FBN2: variants seen among roughly 807,000 people sequenced by gnomAD.
FBN2 encodes the protein fibrillin-2.
Under a neutral mutation model 355.6 loss-of-function variants are expected in FBN2, and 105 were observed. The ratio of observed to expected loss-of-function variants is 0.30; its 90% confidence interval spans 0.25 to 0.35. The LOEUF is 0.35. Ranked by LOEUF, FBN2 falls within the 10% of genes least tolerant of loss-of-function variation. FBN2 has a pLI of 1.00. For synonymous variants in FBN2, 1,350 were observed against 1,301.2 expected, an observed-to-expected ratio of 1.04 and a Z score of -0.81; for missense variants, 3,280 against 3,758.7, an observed-to-expected ratio of 0.87 and a Z score of 3.33.
At chr5:128,527,813 TA>T in intron 4 of FBN2, 58 bp downstream of exon 4, 1 of 1,224,522 alleles carries the variant, frequency 8.2e-7, no homozygotes, top group South Asian at 1.2e-5. Flanking sequence ...CCTTAAATTA[TA>T]ACTTAATATG....
chr5:128,286,969 G>C, intron 54 of FBN2, 120 bp from the exon 55 acceptor site: 1 of 1,010,088 alleles, frequency 9.9e-7, no homozygotes, highest in African/African-American at 1.6e-5. Context: ...AGAGAAAGGA[G>C]AAGCCCAGCC....
chr5:128,452,701 T>C, intron 6 of FBN2, among the ~76,000 whole-genome samples: 1 of 152,328 alleles, frequency 6.6e-6, no homozygotes, highest in East Asian at 1.9e-4. Flanking sequence ...TTTCTAATTT[T>C]AATTTTTTTA....
In FBN2 at chr5:128,278,702, T is replaced by C. The variant is rs773011673; in HGVS notation, c.7278A>G (p.Pro2426=). 3.1e-6 allele frequency: 5 copies of C among 1,614,172 alleles called. No individual in the cohort carries two copies. The South Asian group carries it at 5.5e-5, about 18-fold the overall frequency. ...TTTTGTACTGGGCAGTTCCAGGAAG[T>C]GGGCAAAGCTCGCACTGGTGGCCCC... ...RGWGHQCELC[P]LPGTAQYKKI... is the part of the protein sequence containing the mutation. The change falls in exon 57 of 65, where the codon CCA becomes CCG. Residue 2426 remains proline (P), a synonymous_variant. Coordinates refer to ENST00000262464, the MANE Select transcript of FBN2 (RefSeq NM_001999.4).
intron 62 of FBN2, among the ~76,000 whole-genome samples, chr5:128,265,802 A>G (rs1324381368): frequency 6.6e-6 from 1 of 152,234 alleles, no homozygotes; most frequent in Non-Finnish European, 1.5e-5. Context: ...TTTTTTCAAT[A>G]TTAACACTTT....
intron 4 of FBN2, among the ~76,000 whole-genome samples, chr5:128,521,526 C>G (rs1339607316): frequency 6.6e-6 from 1 of 152,092 alleles, no homozygotes; most frequent in Non-Finnish European, 1.5e-5. Flanking sequence ...AATTAAAATA[C>G]AATTAAATTT....
At chr5:128,464,602 G>A (rs1038829489) in intron 6 of FBN2, 122 bp downstream of exon 6, 52 of 1,051,412 alleles carry the variant, frequency 4.9e-5, no homozygotes, top group African/African-American at 1.7e-4. Flanking sequence ...GGTTGTTAAC[G>A]AGGCCACTCT....
intron 5 of FBN2, among the ~76,000 whole-genome samples, chr5:128,517,072 A>AT (rs937749936): frequency 1.3e-5 from 2 of 151,958 alleles, no homozygotes; most frequent in East Asian, 3.8e-4. Flanking sequence ...TAATCTTACA[A>AT]TTTTTTTTGG....
chr5:128,301,162 C>T (rs1308983496), intron 47 of FBN2, among the ~76,000 whole-genome samples: 4 of 152,194 alleles, frequency 2.6e-5, no homozygotes, highest in African/African-American at 9.7e-5. Context: ...TTTCTTAAGA[C>T]ATGGACAGCC....
chr5:128,347,407 C>A (rs1336477070), intron 23 of FBN2, among the ~76,000 whole-genome samples: 2 of 152,168 alleles, frequency 1.3e-5, no homozygotes, highest in Non-Finnish European at 2.9e-5. Flanking sequence ...CCACATAAGG[C>A]CTATCAATGC....
chr5:128,375,055 T>G (rs972890931), intron 14 of FBN2, among the ~76,000 whole-genome samples: 1 of 152,146 alleles, frequency 6.6e-6, no homozygotes, highest in African/African-American at 2.4e-5. Flanking sequence ...CTTTAAAAAT[T>G]AAGGTAAATT....
At chr5:128,366,885 T>C (rs184839632) in intron 16 of FBN2, among the ~76,000 whole-genome samples, 231 of 152,256 alleles carry the variant, frequency 1.5e-3, no homozygotes, top group Admixed American at 4.1e-3. Flanking sequence ...TTTTCCTTTT[T>C]ACAACTGAGG....
chr5:128,352,376 T>G (rs1751391519), intron 20 of FBN2, among the ~76,000 whole-genome samples: 1 of 152,232 alleles, frequency 6.6e-6, no homozygotes, highest in Admixed American at 6.5e-5. Flanking sequence ...ACATCAAATT[T>G]GTTCTTCCTT....
chr5:128,337,309 T>A (rs912399279), intron 27 of FBN2, among the ~76,000 whole-genome samples: 1 of 152,154 alleles, frequency 6.6e-6, no homozygotes, highest in African/African-American at 2.4e-5. Flanking sequence ...GTTTTGAAAT[T>A]TGGTGTGCAA....
intron 23 of FBN2, among the ~76,000 whole-genome samples, chr5:128,347,979 G>T (rs1263549528): frequency 1.3e-5 from 2 of 151,734 alleles, no homozygotes; most frequent in African/African-American, 4.8e-5. Context: ...GGGAGGGGGG[G>T]GTTCCCCATG....
intron 36 of FBN2, among the ~76,000 whole-genome samples, chr5:128,315,237 C>T (rs1750171239): frequency 6.6e-6 from 1 of 151,968 alleles, no homozygotes; most frequent in Non-Finnish European, 1.5e-5. Context: ...ACTTTATTAG[C>T]AATATTAATA....
At position 128,484,399 on chromosome 5, in the gene FBN2, T is replaced by C. The variant is rs1299339506; in HGVS notation, c.629-19478A>G. On this transcript the variant is annotated intron_variant, in intron 5 of 64. Transcript: ENST00000262464. Reference sequence around the variant, plus strand: ...AGTCTAAGAGCAGATAGCTGAATCATAGAAAGAAATATATATATTTGCCAT... The same window carrying C: ...AGTCTAAGAGCAGATAGCTGAATCACAGAAAGAAATATATATATTTGCCAT... Among the ~76,000 whole-genome samples the C allele has an allele frequency of 2.0e-5, 3 of 152,160 alleles. No individual in the cohort carries two copies. The East Asian group carries it at 5.8e-4, about 29-fold the overall frequency.
At chr5:128,402,240 G>A (rs919996367) in intron 8 of FBN2, among the ~76,000 whole-genome samples, 8 of 151,880 alleles carry the variant, frequency 5.3e-5, no homozygotes, top group African/African-American at 1.9e-4. Flanking sequence ...TTGAAACAGG[G>A]AATCATTAGG....
At position 128,393,302 on chromosome 5, in the gene FBN2, C is replaced by T; in HGVS notation, c.1298G>A (p.Arg433Lys). 1.2e-6 allele frequency: 2 copies of T among 1,614,200 alleles called. No individual in the cohort carries two copies. Among genetic ancestry groups the T allele is most frequent in the Non-Finnish European group, 8.5e-7 (1 of 1,180,022 alleles). ...MGGIPGSAGS[R>K]PGGTGGNGFA... ...GCCATTTCCCCCAGTGCCTCCAGGTCTGGAACCAGCACTCCCTGGAATTCC... is the reference window on the plus strand; with the variant it reads ...GCCATTTCCCCCAGTGCCTCCAGGTTTGGAACCAGCACTCCCTGGAATTCC... Residue 433 changes from arginine (R) to lysine (K), a missense_variant, in exon 10 of 65, where the codon AGA (arginine) becomes AAA (lysine). Arg to Lys is a conservative substitution (Grantham distance 26, BLOSUM62 2). This residue lies in a region of FBN2 where 343 missense variants were observed against 331.0 expected (regional missense o/e 1.04). Transcript: ENST00000262464.
chr5:128,282,121 C>T (rs377659058), intron 55 of FBN2, among the ~76,000 whole-genome samples: 7 of 152,080 alleles, frequency 4.6e-5, no homozygotes, highest in Admixed American at 1.3e-4. Flanking sequence ...CAAAATACAG[C>T]TCCTTTATTA....
Sources: gnomAD v4.1 joint callset for allele counts (sites outside exome capture counted in the v4.1 genomes callset) on GRCh38, gnomAD v4.1.1 for gene constraint, gnomAD v4.1.1 regional missense constraint, MANE v1.5 for transcripts, NCBI Gene and HGNC (gene_info 2026-07-23, HGNC 2026-07-21) for gene names.